Variants in DTD1 observed in about 807,000 individuals in gnomAD.
DTD1 encodes D-aminoacyl-tRNA deacylase 1.
In DTD1, 13 loss-of-function variants were observed where a neutral mutation model predicts 25.6. That is an observed-to-expected ratio of 0.51 (90% CI 0.33 to 0.81). The LOEUF (loss-of-function observed/expected upper bound fraction) is 0.81, where lower values mean the gene tolerates loss of function less well. DTD1 is among the 30% of genes least tolerant of loss of function. The probability of loss-of-function intolerance (pLI) is 0.02; values close to 1 mark genes in which losing one functional copy is unlikely to be tolerated. For missense variants in DTD1, 193 were observed against 266.4 expected, an observed-to-expected ratio of 0.72 and a Z score of 1.92; for synonymous variants, 110 against 103.6, an observed-to-expected ratio of 1.06 and a Z score of -0.37.
chr20:18,707,753 A>ACG (rs2061132247), intron 4 of DTD1, among the ~76,000 whole-genome samples: 1 of 151,700 alleles, frequency 6.6e-6, no homozygotes, highest in Admixed American at 6.6e-5. Flanking sequence ...GGTAACACAC[A>ACG]CGCGCGCACA....
intron 4 of DTD1, among the ~76,000 whole-genome samples, chr20:18,635,443 T>C (rs2060803409): frequency 6.6e-6 from 1 of 152,240 alleles, no homozygotes; most frequent in Non-Finnish European, 1.5e-5. Context: ...TGGAATCACC[T>C]GGATTTCTGA....
intron 4 of DTD1, among the ~76,000 whole-genome samples, chr20:18,733,657 A>G (rs1204789088): frequency 1.3e-5 from 2 of 152,202 alleles, no homozygotes; most frequent in African/African-American, 4.8e-5. Flanking sequence ...AGGCAACTGA[A>G]CTGTCCCTCT....
At position 18,679,298 on chromosome 20, in the gene DTD1, C is replaced by A. The variant is rs1178662446; in HGVS notation, c.477+51065C>A. Among the ~76,000 whole-genome samples the A allele has an allele frequency of 2.0e-5, 3 of 152,198 alleles. No individual in the cohort carries two copies. In the South Asian group the frequency reaches 6.2e-4, roughly 32 times the overall value. ...AGGATCAGGTGCCTATTTATTTATT[C>A]ATGGTGTGGAACAAGGTTCCCTCAT... On this transcript the variant is annotated intron_variant, in intron 4 of 5. Transcript: ENST00000377452.
intron 4 of DTD1, among the ~76,000 whole-genome samples, chr20:18,729,905 C>CTCAGAGAGTGCA (rs1429284046): frequency 5.3e-5 from 8 of 152,062 alleles, no homozygotes; most frequent in African/African-American, 1.2e-4. Context: ...TTCTATTGCA[C>CTCAGAGAGTGCA]ATGTGTGTCC....
rs189486017 is a variant in DTD1, at chr20:18,628,717, A to G, written c.477+484A>G. ...AATTTGTAAGCTCTCATGAAATAAA[A>G]GTTAATTAAAATAGAGAAAGGAAAT... On this transcript the variant is annotated intron_variant, in intron 4 of 5. Transcript: ENST00000377452. Among the ~76,000 whole-genome samples the G allele has an allele frequency of 2.8e-3, 428 of 152,358 alleles. 4 individuals carry two copies. Among genetic ancestry groups the G allele is most frequent in the Non-Finnish European group, 2.8e-3 (192 of 68,044 alleles).
rs1568665457 is a variant in DTD1, at chr20:18,675,815, C to CATATATATGTAAATATA, written c.477+47583_477+47584insTATATATGTAAATATAA. Among the ~76,000 whole-genome samples the CATATATATGTAAATATA allele has an allele frequency of 8.9e-4, 135 of 150,966 alleles. 18 individuals carry two copies. Among genetic ancestry groups the CATATATATGTAAATATA allele is most frequent in the African/African-American group, 3.0e-3 (124 of 41,038 alleles). ...AAATATACCTATGTGTATATTTACA[C>CATATATATGTAAATATA]ACATATATGTAAATATACCTATGTG... is the stretch of plus-strand genomic sequence containing the variant. On this transcript the variant is annotated intron_variant, in intron 4 of 5. Transcript: ENST00000377452.
At chr20:18,685,407 GTGTAT>G (rs2061012603) in intron 4 of DTD1, among the ~76,000 whole-genome samples, 2 of 152,200 alleles carry the variant, frequency 1.3e-5, no homozygotes, top group Non-Finnish European at 2.9e-5. Context: ...CACATGACGG[GTGTAT>G]GTGAGAGTGC....
At chr20:18,715,747 A>T (rs568917228) in intron 4 of DTD1, among the ~76,000 whole-genome samples, 1 of 152,336 alleles carries the variant, frequency 6.6e-6, no homozygotes, top group South Asian at 2.1e-4. Flanking sequence ...ATTTGGACTC[A>T]CATGGAAACA....
intron 3 of DTD1, among the ~76,000 whole-genome samples, chr20:18,598,904 T>C (rs1185878565): frequency 6.6e-6 from 1 of 152,146 alleles, no homozygotes; most frequent in Non-Finnish European, 1.5e-5. Flanking sequence ...ATCTTTTTAC[T>C]GCCTCCATAG....
chr20:18,698,393 A>G (rs139271198), intron 4 of DTD1: 2 of 152,328 alleles, frequency 1.3e-5, no homozygotes, highest in Non-Finnish European at 2.9e-5. Flanking sequence ...TATTTCATCT[A>G]TACATATTCA....
rs1161608543 is a variant in DTD1 at position 18,764,906 on chromosome 20, C to T, written c.*1566C>T. On this transcript the variant is annotated 3_prime_UTR_variant, in exon 6 of 6. Coordinates refer to ENST00000377452, the MANE Select transcript of DTD1 (RefSeq NM_080820.6). The stretch of plus-strand genomic sequence containing the variant: ...CGATAAACTCAGTTGTAGGGTTTGG[C>T]TTGCTGGATAACTGTCATGTTTCTC... 1 of 152,236 alleles carries T rather than the reference C, an allele frequency of 6.6e-6. No homozygotes were observed. The highest frequency in any genetic ancestry group is 1.5e-5 in the Non-Finnish European group (1 of 68,042). 9.4% of individuals were successfully genotyped at this position (152,236 alleles called of 1,614,324 possible).
intron 3 of DTD1, among the ~76,000 whole-genome samples, chr20:18,611,529 TTTTACA>T (rs2060686547): frequency 6.6e-6 from 1 of 152,234 alleles, no homozygotes; most frequent in Non-Finnish European, 1.5e-5. Context: ...TGAAATTTTA[TTTTACA>T]TTTATATTTG....
chr20:18,716,933 A>G (rs1475022058), intron 4 of DTD1, among the ~76,000 whole-genome samples: 1 of 152,008 alleles, frequency 6.6e-6, no homozygotes, highest in Non-Finnish European at 1.5e-5. Flanking sequence ...GGATTCATTT[A>G]TCATGAAATG....
At chr20:18,632,495 G>A (rs1192758842) in intron 4 of DTD1, 3 of 985,298 alleles carry the variant, frequency 3.0e-6, no homozygotes, top group Non-Finnish European at 1.2e-6. Context: ...GTTTCCTCTT[G>A]GAGCAAATAG....
intron 5 of DTD1, among the ~76,000 whole-genome samples, chr20:18,757,982 C>A (rs1007243807): frequency 6.6e-6 from 1 of 151,926 alleles, no homozygotes; most frequent in Non-Finnish European, 1.5e-5. Context: ...ATTCAACTTC[C>A]TCCTGGTTTA....
At chr20:18,692,890 A>ATTT (rs34962546) in intron 4 of DTD1, among the ~76,000 whole-genome samples, 1,846 of 112,390 alleles carry the variant, frequency 0.016, 127 homozygotes, top group African/African-American at 0.046. Flanking sequence ...CAGGACATGG[A>ATTT]TTTTTTTTTT....
intron 3 of DTD1, among the ~76,000 whole-genome samples, chr20:18,600,015 AG>A (rs1160785554): frequency 6.6e-6 from 1 of 152,216 alleles, no homozygotes; most frequent in Non-Finnish European, 1.5e-5. Flanking sequence ...TTATCCTTAT[AG>A]GATATTTCTT....
At position 18,749,167 on chromosome 20, in the gene DTD1, G is replaced by C. The variant is rs1160235827; in HGVS notation, c.*19+4896G>C. On this transcript the variant is annotated intron_variant, in intron 5 of 5. Transcript: ENST00000377452. The surrounding 1 kb of genome is among the most constrained non-coding windows in gnomAD (Gnocchi z 4.2). ...TGTGCTCCAGGCTGGGATCCTTGGA[G>C]TGGGGGAATGGGGGTTGGGTTGCAG... Among the ~76,000 whole-genome samples, 1 of 152,186 alleles carries C rather than the reference G, an allele frequency of 6.6e-6. No homozygotes were observed. The highest frequency in any genetic ancestry group is 1.9e-4 in the East Asian group (1 of 5,186).
chr20:18,763,640 A>G lies in DTD1; in HGVS notation c.*300A>G, dbSNP rs1660010720. ...CCACAGAAAGGCTTTGTTGGTTTCT[A>G]CCACATCTTGGCTTGCTTTTGGAAC... On this transcript the variant is annotated 3_prime_UTR_variant, in exon 6 of 6. Transcript: ENST00000377452. 1 of 152,640 alleles carries G rather than the reference A, an allele frequency of 6.6e-6. No individual in the cohort carries two copies. Among genetic ancestry groups the G allele is most frequent in the Non-Finnish European group, 1.5e-5 (1 of 68,052 alleles). 9.5% of individuals were successfully genotyped at this position (152,640 alleles called of 1,614,324 possible). A position where few individuals can be genotyped will look rare whatever the true frequency, so the allele number is the denominator to read the frequency against.
Sources: gnomAD v4.1 joint callset for allele counts (sites outside exome capture counted in the v4.1 genomes callset) on GRCh38, gnomAD v4.1.1 for gene constraint, Gnocchi (gnomAD v3.1) non-coding constraint, MANE v1.5 for transcripts, NCBI Gene and HGNC (gene_info 2026-07-23, HGNC 2026-07-21) for gene names.